The following HTR1D variants were observed in gnomAD, a reference collection of about 807,000 sequenced individuals.
HTR1D encodes the protein 5-HT-1D.
HTR1D carries 18 observed loss-of-function variants against 21.1 expected under a neutral mutation model. That is an observed-to-expected ratio of 0.85 (90% CI 0.59 to 1.27). The LOEUF (loss-of-function observed/expected upper bound fraction) is 1.27, where lower values mean the gene tolerates loss of function less well. HTR1D is among the 50% of genes most tolerant of loss of function. The pLI is 0.00. For missense variants in HTR1D, 456 were observed against 481.4 expected, an observed-to-expected ratio of 0.95 and a Z score of 0.49; for synonymous variants, 196 against 204.4, an observed-to-expected ratio of 0.96 and a Z score of 0.35.
chr1:23,215,359 G>T (rs749726915), intron 1 of HTR1D, among the ~76,000 whole-genome samples: 1 of 150,266 alleles, frequency 6.7e-6, no homozygotes, highest in Non-Finnish European at 1.5e-5. Flanking sequence ...TGAGGTTGCA[G>T]TGAGCCATGA....
At chr1:23,203,206 G>T (rs1644716646) in intron 1 of HTR1D, among the ~76,000 whole-genome samples, 1 of 152,100 alleles carries the variant, frequency 6.6e-6, no homozygotes, top group African/African-American at 2.4e-5. Context: ...GCCAAATCTG[G>T]AAAGTTTTAA....
chr1:23,209,016 G>A (rs1321950730), intron 1 of HTR1D, among the ~76,000 whole-genome samples: 2 of 61,642 alleles, frequency 3.2e-5, no homozygotes, highest in Non-Finnish European at 7.0e-5. Flanking sequence ...TTTTTTTTTT[G>A]AGACAGTCTT....
At chr1:23,204,268 G>A (rs1481915183) in intron 1 of HTR1D, among the ~76,000 whole-genome samples, 1 of 152,136 alleles carries the variant, frequency 6.6e-6, no homozygotes, top group African/African-American at 2.4e-5. Flanking sequence ...TGGGACTACA[G>A]GCACTGGCCA....
intron 1 of HTR1D, among the ~76,000 whole-genome samples, chr1:23,202,647 A>G (rs1644714643): frequency 6.6e-6 from 1 of 152,180 alleles, no homozygotes; most frequent in Non-Finnish European, 1.5e-5. Flanking sequence ...TACATCCCCC[A>G]CACAGTAATT....
At chr1:23,208,170 C>G (rs1209104378) in intron 1 of HTR1D, among the ~76,000 whole-genome samples, 1 of 152,170 alleles carries the variant, frequency 6.6e-6, no homozygotes, top group Non-Finnish European at 1.5e-5. Flanking sequence ...TGGCTCATGC[C>G]TGAATCCCAG....
At chr1:23,208,112 G>C (rs1644738987) in intron 1 of HTR1D, among the ~76,000 whole-genome samples, 1 of 152,144 alleles carries the variant, frequency 6.6e-6, no homozygotes. Context: ...CATGCTGTGG[G>C]AAAGTGGGTA....
At chr1:23,211,395 T>A (rs977586784) in intron 1 of HTR1D, among the ~76,000 whole-genome samples, 1 of 152,102 alleles carries the variant, frequency 6.6e-6, no homozygotes, top group African/African-American at 2.4e-5. Context: ...GGGGGACAGG[T>A]AGCCTGCTGC....
In HTR1D at chr1:23,193,631, A is replaced by G; in HGVS notation, c.589T>C (p.Tyr197His). The G allele has an allele frequency of 1.9e-6, 3 of 1,614,016 alleles. No individual in the cohort carries two copies. Among genetic ancestry groups the G allele is most frequent in the Non-Finnish European group, 2.5e-6 (3 of 1,179,926 alleles). Residue 197 changes from tyrosine to histidine, a missense_variant, in exon 2 of 2, where the codon TAC becomes CAC. Transcript: ENST00000374619. ...GCCCCACAGGTGGAGTAGATGGTGTAGGAGATCTGAGAGGTGTTCACCAGA... is the reference window on the plus strand; with the variant it reads ...GCCCCACAGGTGGAGTAGATGGTGTGGGAGATCTGAGAGGTGTTCACCAGA... ...DCLVNTSQISYTIYSTCGAFY... is the reference protein window; with the variant it reads ...DCLVNTSQISHTIYSTCGAFY...
chr1:23,196,916 C>T (rs1448810848), intron 1 of HTR1D, among the ~76,000 whole-genome samples: 2 of 152,158 alleles, frequency 1.3e-5, no homozygotes, highest in African/African-American at 2.4e-5. Flanking sequence ...TGCCCCCACT[C>T]GCCCCAGGCT....
intron 1 of HTR1D, among the ~76,000 whole-genome samples, chr1:23,201,555 T>C (rs1203555015): frequency 6.6e-6 from 1 of 152,170 alleles, no homozygotes; most frequent in Non-Finnish European, 1.5e-5. Context: ...CTTCTTCTTC[T>C]TTTTCATTTT....
intron 1 of HTR1D, among the ~76,000 whole-genome samples, chr1:23,216,978 G>C (rs1212780967): frequency 2.0e-5 from 3 of 151,952 alleles, no homozygotes; most frequent in African/African-American, 7.2e-5. Flanking sequence ...TCCCCGGCCC[G>C]GGGGTGCTTC....
At chr1:23,203,047 C>T (rs947920649) in intron 1 of HTR1D, among the ~76,000 whole-genome samples, 26 of 152,040 alleles carry the variant, frequency 1.7e-4, no homozygotes, top group Admixed American at 5.9e-4. Context: ...CCGGAGTAGC[C>T]GGCCACCACG....
At chr1:23,206,755 C>G (rs931614748) in intron 1 of HTR1D, among the ~76,000 whole-genome samples, 3 of 152,132 alleles carry the variant, frequency 2.0e-5, no homozygotes, top group African/African-American at 7.2e-5. Flanking sequence ...TCCTGAGAGC[C>G]TGCCACCCTA....
chr1:23,216,962 T>A (rs921741407), intron 1 of HTR1D, among the ~76,000 whole-genome samples: 16 of 151,640 alleles, frequency 1.1e-4, no homozygotes, highest in African/African-American at 3.9e-4. Context: ...TCGGGGGGCG[T>A]CGCGGTCCCC....
intron 1 of HTR1D, among the ~76,000 whole-genome samples, chr1:23,201,012 G>A (rs559664562): frequency 2.6e-5 from 4 of 152,220 alleles, no homozygotes; most frequent in African/African-American, 9.6e-5. Flanking sequence ...CTCTGAAGAG[G>A]GGTGGAAAGA....
chr1:23,207,653 C>T (rs1434067202), intron 1 of HTR1D, among the ~76,000 whole-genome samples: 1 of 152,160 alleles, frequency 6.6e-6, no homozygotes, highest in African/African-American at 2.4e-5. Flanking sequence ...AAATAAGAGG[C>T]CCCCAGTGCC....
intron 1 of HTR1D, among the ~76,000 whole-genome samples, chr1:23,199,536 T>C (rs550086690): frequency 7.1e-6 from 1 of 141,506 alleles, no homozygotes; most frequent in East Asian, 2.4e-4. Context: ...GCTCAAGTGA[T>C]CCTCCCAACT....
intron 1 of HTR1D, among the ~76,000 whole-genome samples, chr1:23,198,636 A>G (rs189327810): frequency 1.3e-5 from 2 of 152,338 alleles, no homozygotes; most frequent in East Asian, 3.9e-4. Context: ...GAATGGTAGC[A>G]TATGGCGTAT....
At chr1:23,195,967 A>G (rs1259102851) in intron 1 of HTR1D, among the ~76,000 whole-genome samples, 1 of 152,038 alleles carries the variant, frequency 6.6e-6, no homozygotes, top group East Asian at 1.9e-4. Flanking sequence ...AGCTGGAATT[A>G]CAGGTGCACA....
Sources: allele counts gnomAD v4.1 joint callset (sites outside exome capture counted in the v4.1 genomes callset), GRCh38; gene constraint gnomAD v4.1.1; transcripts MANE v1.5; gene names NCBI Gene and HGNC (gene_info 2026-07-23, HGNC 2026-07-21).